CLIC5: variants seen among roughly 807,000 people sequenced by gnomAD.
CLIC5 encodes chloride intracellular channel protein 5.
Under a neutral mutation model 24.7 loss-of-function variants are expected in CLIC5, and 20 were observed. The ratio of observed to expected loss-of-function variants is 0.81; its 90% confidence interval spans 0.57 to 1.18. The LOEUF is 1.18. CLIC5 is among the 50% of genes most tolerant of loss of function. The probability of loss-of-function intolerance (pLI) is 0.00; values close to 1 mark genes in which losing one functional copy is unlikely to be tolerated. For missense variants in CLIC5, 341 were observed against 326.1 expected, an observed-to-expected ratio of 1.05 and a Z score of -0.35; for synonymous variants, 159 against 135.6, an observed-to-expected ratio of 1.17 and a Z score of -1.20.
chr6:45,915,481 C>T (rs181143090), intron 4 of CLIC5, among the ~76,000 whole-genome samples: 3 of 152,076 alleles, frequency 2.0e-5, no homozygotes, highest in African/African-American at 7.2e-5. Flanking sequence ...TTTGATGTCA[C>T]CCCCAGAGAA....
chr6:45,913,444 T>G (rs182534242), intron 5 of CLIC5, among the ~76,000 whole-genome samples: 1 of 152,312 alleles, frequency 6.6e-6, no homozygotes, highest in African/African-American at 2.4e-5. Context: ...TTGGGCTCAT[T>G]GTAAAGAACA....
intron 1 of CLIC5, among the ~76,000 whole-genome samples, chr6:46,010,141 T>C (rs1441752689): frequency 6.6e-6 from 1 of 152,188 alleles, no homozygotes; most frequent in Non-Finnish European, 1.5e-5. Context: ...GAAACTTACA[T>C]TTTCTTTCAA....
chr6:45,958,447 T>TATACACACACACACACACAC (rs1554151299), intron 1 of CLIC5, among the ~76,000 whole-genome samples: 1 of 72,274 alleles, frequency 1.4e-5, no homozygotes, highest in Non-Finnish European at 2.9e-5. Flanking sequence ...TATATATATA[T>TATACACACACACACACACAC]ATATATATAT....
chr6:46,012,616 T>C lies in CLIC5; in HGVS notation c.63+2864A>G, dbSNP rs185308648. ...AAAATAAGGTATCAGGCCTGACATATAGGTATTTGGAAAAGAGCAAGAAAT... is the reference window on the plus strand; with the variant it reads ...AAAATAAGGTATCAGGCCTGACATACAGGTATTTGGAAAAGAGCAAGAAAT... On this transcript the variant is annotated intron_variant, in intron 1 of 5. Transcript: ENST00000339561. Among the ~76,000 whole-genome samples, 18 of 152,332 alleles carry C rather than the reference T, an allele frequency of 1.2e-4. 1 individual carries two copies. The South Asian group carries it at 2.9e-3, about 25-fold the overall frequency.
intron 1 of CLIC5, among the ~76,000 whole-genome samples, chr6:45,963,232 C>T (rs955227967): frequency 4.0e-5 from 6 of 151,754 alleles, no homozygotes; most frequent in Non-Finnish European, 7.4e-5. Context: ...ATAGCTAAAA[C>T]TTTTGATTAT....
chr6:46,076,693 T>C (rs1762780111), intron 1 of CLIC5, among the ~76,000 whole-genome samples: 1 of 152,248 alleles, frequency 6.6e-6, no homozygotes, highest in Non-Finnish European at 1.5e-5. Context: ...TTGTATTCTT[T>C]TAATCCACTA....
intron 1 of CLIC5, among the ~76,000 whole-genome samples, chr6:45,988,326 C>A (rs192298143): frequency 3.3e-5 from 5 of 152,304 alleles, no homozygotes; most frequent in Admixed American, 2.0e-4. Flanking sequence ...ACCTTCTTAG[C>A]CTGCTGGGGT....
intron 1 of CLIC5, among the ~76,000 whole-genome samples, chr6:46,059,533 A>G (rs1268246510): frequency 6.6e-6 from 1 of 152,218 alleles, no homozygotes; most frequent in Non-Finnish European, 1.5e-5. Context: ...CAGTGATAGT[A>G]AATTCAACTG....
At chr6:45,908,143 T>C (rs1051135231) in intron 5 of CLIC5, among the ~76,000 whole-genome samples, 1 of 152,202 alleles carries the variant, frequency 6.6e-6, no homozygotes, top group Non-Finnish European at 1.5e-5. Context: ...ATTGTGCTTA[T>C]TTGGATTTTC....
At chr6:46,093,649 G>A in the CLIC5 span, among the ~76,000 whole-genome samples, 3 of 152,320 alleles carry the variant, frequency 2.0e-5, no homozygotes, top group East Asian at 1.9e-4. Context: ...ATGTCTGAGT[G>A]CCTGAATTCT....
At chr6:46,042,869 A>G (rs984089650) in intron 1 of CLIC5, among the ~76,000 whole-genome samples, 1 of 152,148 alleles carries the variant, frequency 6.6e-6, no homozygotes, top group East Asian at 1.9e-4. Context: ...GACCTCAGAC[A>G]CTCAGACCTT....
chr6:46,123,682 C>T, the CLIC5 span, among the ~76,000 whole-genome samples: 137 of 152,258 alleles, frequency 9.0e-4, no homozygotes, highest in African/African-American at 2.9e-3. Context: ...ATCTAGAAAA[C>T]CCCATTGTCT....
intron 1 of CLIC5, among the ~76,000 whole-genome samples, chr6:46,048,168 A>G (rs536508860): frequency 4.1e-4 from 63 of 152,168 alleles, no homozygotes; most frequent in Admixed American, 1.0e-3. Flanking sequence ...ACGCCTGGTT[A>G]ATTTTTGTAT....
intron 2 of CLIC5, among the ~76,000 whole-genome samples, chr6:45,950,261 A>G (rs915067087): frequency 1.3e-4 from 20 of 152,174 alleles, no homozygotes; most frequent in Admixed American, 1.3e-3. Context: ...GGCTACATGA[A>G]TAAAGCATGC....
At chr6:45,974,300 A>G (rs67921622) in intron 1 of CLIC5, among the ~76,000 whole-genome samples, 51,036 of 151,268 alleles carry the variant, frequency 0.34, 8,776 homozygotes, top group Middle Eastern at 0.44. Flanking sequence ...TGACAGCAAG[A>G]GTCAAATGAG....
intron 6 of CLIC5, among the ~76,000 whole-genome samples, chr6:45,890,684 T>C (rs888998529): frequency 2.0e-5 from 3 of 152,130 alleles, no homozygotes; most frequent in African/African-American, 7.2e-5. Context: ...GACAAACGAA[T>C]GGATTTAAAA....
intron 5 of CLIC5, among the ~76,000 whole-genome samples, chr6:45,907,780 A>C (rs1182185340): frequency 6.6e-6 from 1 of 152,168 alleles, no homozygotes; most frequent in Non-Finnish European, 1.5e-5. Context: ...CTGAACCTTT[A>C]CTGAAGTTGT....
intron 4 of CLIC5, among the ~76,000 whole-genome samples, chr6:45,929,798 C>T (rs569403942): frequency 4.6e-5 from 7 of 152,348 alleles, no homozygotes; most frequent in Admixed American, 6.5e-5. Context: ...TGGAGCCCCA[C>T]GGCCACCTAA....
chr6:45,985,586 T>G (rs1398844899), intron 1 of CLIC5, among the ~76,000 whole-genome samples: 3 of 152,032 alleles, frequency 2.0e-5, no homozygotes, highest in African/African-American at 7.2e-5. Flanking sequence ...GCTTGGGGCC[T>G]GGAGGCTGAC....
Sources: allele counts gnomAD v4.1 joint callset (sites outside exome capture counted in the v4.1 genomes callset), GRCh38; gene constraint gnomAD v4.1.1; transcripts MANE v1.5; gene names NCBI Gene and HGNC (gene_info 2026-07-23, HGNC 2026-07-21).